The following PIGU variants were observed in gnomAD, a reference collection of about 807,000 sequenced individuals.
PIGU encodes the protein GPI-anchor transamidase component PIGU.
Under a neutral mutation model 49.9 loss-of-function variants are expected in PIGU, and 24 were observed. The ratio of observed to expected loss-of-function variants is 0.48; its 90% CI spans 0.35 to 0.68. The LOEUF (loss-of-function observed/expected upper bound fraction) is 0.68. Ranked by LOEUF, PIGU falls within the 30% of genes least tolerant of loss-of-function variation. PIGU has a pLI of 0.01. For missense variants in PIGU, 490 were observed against 532.6 expected (o/e 0.92, Z 0.79); for synonymous variants, 220 against 205.7 (o/e 1.07, Z -0.59).
At chr20:34,583,486 A>G (rs2146707988) in intron 9 of PIGU, among the ~76,000 whole-genome samples, 1 of 152,320 alleles carries the variant, frequency 6.6e-6, no homozygotes, top group East Asian at 1.9e-4. Context: ...CAGCAGGGAG[A>G]GCAGGTCTCT....
intron 6 of PIGU, among the ~76,000 whole-genome samples, chr20:34,623,485 C>T (rs1249008644): frequency 1.3e-5 from 2 of 152,152 alleles, no homozygotes; most frequent in African/African-American, 4.8e-5. Context: ...GAAGTGGGTA[C>T]AATTACTGTC....
intron 1 of PIGU, among the ~76,000 whole-genome samples, chr20:34,658,072 C>T (rs1024651243): frequency 5.9e-5 from 9 of 152,240 alleles, no homozygotes; most frequent in African/African-American, 2.2e-4. Context: ...GCTGCCATCT[C>T]GGCTCACTGC....
chr20:34,637,216 G>A (rs894257751), intron 5 of PIGU, among the ~76,000 whole-genome samples: 2 of 152,196 alleles, frequency 1.3e-5, no homozygotes, highest in Non-Finnish European at 1.5e-5. Flanking sequence ...GTTTTTCCAC[G>A]AGGAAACTTG....
chr20:34,661,299 A>T (rs1986920018), intron 1 of PIGU, among the ~76,000 whole-genome samples: 1 of 152,088 alleles, frequency 6.6e-6, no homozygotes, highest in Non-Finnish European at 1.5e-5. Context: ...AGTGCAGATA[A>T]TCTCATCACC....
chr20:34,660,453 C>T (rs181389000), intron 1 of PIGU, among the ~76,000 whole-genome samples: 10 of 152,254 alleles, frequency 6.6e-5, no homozygotes, highest in South Asian at 2.1e-4. Flanking sequence ...GGCATGGTGG[C>T]GCGCACCTGT....
chr20:34,616,271 G>A (rs1367812850), intron 6 of PIGU, 132 bp from the exon 7 acceptor site: 3 of 955,492 alleles, frequency 3.1e-6, no homozygotes, highest in South Asian at 3.5e-5. Context: ...TGGTACACAA[G>A]GTGCTATGCA....
intron 1 of PIGU, among the ~76,000 whole-genome samples, chr20:34,676,487 T>A (rs1987502011): frequency 6.6e-6 from 1 of 152,188 alleles, no homozygotes; most frequent in Non-Finnish European, 1.5e-5. Flanking sequence ...AAGAGACGTC[T>A]AAAGCACACG....
intron 1 of PIGU, among the ~76,000 whole-genome samples, chr20:34,676,685 A>G (rs1455239618): frequency 2.6e-5 from 4 of 152,004 alleles, no homozygotes; most frequent in African/African-American, 9.7e-5. Context: ...GGCTCAGGAC[A>G]CTGAATGGGA....
chr20:34,652,328 T>A (rs1050070937), intron 2 of PIGU, among the ~76,000 whole-genome samples: 1 of 152,156 alleles, frequency 6.6e-6, no homozygotes, highest in African/African-American at 2.4e-5. Context: ...TTTTGACCTA[T>A]GTATACATCC....
intron 6 of PIGU, among the ~76,000 whole-genome samples, chr20:34,616,866 C>T (rs1985031835): frequency 1.3e-5 from 2 of 152,180 alleles, no homozygotes; most frequent in Admixed American, 1.3e-4. Flanking sequence ...ATAATCCCAG[C>T]ACTTCGAGAG....
chr20:34,631,787 T>A (rs6120688), intron 6 of PIGU, among the ~76,000 whole-genome samples: 45 of 5,298 alleles, frequency 8.5e-3, no homozygotes, highest in Non-Finnish European at 9.1e-3. Context: ...ATATATATAT[T>A]TTTTTTTTTT....
intron 11 of PIGU, 117 bp downstream of exon 11, chr20:34,574,987 C>T: frequency 7.3e-7 from 1 of 1,366,312 alleles, no homozygotes; most frequent in Non-Finnish European, 1.0e-6. Context: ...AGGGGAGTAA[C>T]TGTGCCTCCT....
chr20:34,565,603 C>T (rs943550751), intron 11 of PIGU, among the ~76,000 whole-genome samples: 22 of 152,032 alleles, frequency 1.4e-4, no homozygotes, highest in Admixed American at 9.8e-4. Flanking sequence ...GAACATGTCA[C>T]TCTGTGTCCT....
intron 6 of PIGU, among the ~76,000 whole-genome samples, chr20:34,618,682 G>C (rs1184594642): frequency 6.6e-6 from 1 of 152,196 alleles, no homozygotes; most frequent in Non-Finnish European, 1.5e-5. Flanking sequence ...AGCTACTTAG[G>C]AGGCTGAGGT....
chr20:34,568,646 A>G (rs1377615167), intron 11 of PIGU, among the ~76,000 whole-genome samples: 1 of 152,172 alleles, frequency 6.6e-6, no homozygotes, highest in East Asian at 1.9e-4. Context: ...CACCAGGCCA[A>G]CTGAGAGGCA....
chr20:34,670,089 T>C (rs1001143364), intron 1 of PIGU, among the ~76,000 whole-genome samples: 3 of 152,228 alleles, frequency 2.0e-5, no homozygotes, highest in Non-Finnish European at 4.4e-5. Flanking sequence ...GTTCTGATTC[T>C]TGACTTGGAT....
At chr20:34,668,568 A>G (rs920333949) in intron 1 of PIGU, among the ~76,000 whole-genome samples, 1 of 150,910 alleles carries the variant, frequency 6.6e-6, no homozygotes, top group African/African-American at 2.4e-5. Context: ...AGGAGATCGA[A>G]ACCATCCTGG....
intron 11 of PIGU, among the ~76,000 whole-genome samples, chr20:34,574,091 CAATGGCAATTG>C (rs1470500833): frequency 1.3e-5 from 2 of 152,228 alleles, no homozygotes; most frequent in African/African-American, 2.4e-5. Context: ...CTGGCTGTGC[CAATGGCAATTG>C]AAATGGTAAA....
chr20:34,651,803 G>C (rs187571076), intron 2 of PIGU, among the ~76,000 whole-genome samples: 1 of 152,110 alleles, frequency 6.6e-6, no homozygotes, highest in East Asian at 1.9e-4. Flanking sequence ...AGTCAGATTC[G>C]CATTTAAATC....
Sources: gnomAD v4.1 joint callset for allele counts (sites outside exome capture counted in the v4.1 genomes callset) on GRCh38, gnomAD v4.1.1 for gene constraint, MANE v1.5 for transcripts, NCBI Gene and HGNC (gene_info 2026-07-23, HGNC 2026-07-21) for gene names.